Variants in MYO9B observed in about 807,000 individuals in gnomAD.
MYO9B encodes the protein myosin IXB.
Under a neutral mutation model 229.5 loss-of-function variants are expected in MYO9B, and 71 were observed. The ratio of observed to expected loss-of-function variants is 0.31; its 90% CI spans 0.26 to 0.38. The LOEUF (loss-of-function observed/expected upper bound fraction) is 0.38, where lower values mean the gene tolerates loss of function less well. MYO9B is among the 10% of genes least tolerant of loss of function. The probability of loss-of-function intolerance (pLI) is 1.00; values close to 1 mark genes in which losing one functional copy is unlikely to be tolerated. For missense variants in MYO9B, 2,255 were observed against 2,920.5 expected, an observed-to-expected ratio of 0.77 and a Z score of 5.25; for synonymous variants, 1,185 against 1,235.8, an observed-to-expected ratio of 0.96 and a Z score of 0.86.
chr19:17,117,482 C>T (rs1228541543), intron 2 of MYO9B, among the ~76,000 whole-genome samples: 3 of 152,202 alleles, frequency 2.0e-5, no homozygotes, highest in African/African-American at 4.8e-5. Context: ...GACCCCGACA[C>T]GTGGTTCCTC....
chr19:17,081,050 C>T (rs1460924364), intron 1 of MYO9B, among the ~76,000 whole-genome samples: 2 of 152,052 alleles, frequency 1.3e-5, no homozygotes, highest in East Asian at 3.9e-4. Context: ...GGGGCGGGGG[C>T]AGAGTCTCAC....
Position 17,195,391 on chromosome 19 carries a change from G to T in MYO9B, c.3964G>T (p.Ala1322Ser). The T allele has an allele frequency of 6.2e-7, 1 of 1,609,462 alleles. No homozygotes were observed. Among genetic ancestry groups the T allele is most frequent in the South Asian group, 1.1e-5 (1 of 90,942 alleles). ...GCGGGGCAAGAAGCTGGTGGCCGCC[G>T]CCAGCCCTAGTGCCATGCTCAGCCA... ...LWRGKKLVAA[A>S]SPSAMLSQSL... Residue 1322 changes from alanine (A) to serine (S), a missense_variant, in exon 22 of 40, where the codon GCC (alanine) becomes TCC (serine). Around this residue, in one of 7 missense-constraint regions of MYO9B, gnomAD observed 679 missense variants for 770.2 expected, o/e 0.88. Coordinates refer to ENST00000682292, the MANE Select transcript of MYO9B (RefSeq NM_004145.4). This position sits in a 1 kb window ranked among gnomAD's most constrained non-coding sequence, Gnocchi z 4.5.
At chr19:17,122,395 T>C (rs1213866349) in intron 2 of MYO9B, among the ~76,000 whole-genome samples, 1 of 151,958 alleles carries the variant, frequency 6.6e-6, no homozygotes, top group Admixed American at 6.6e-5. Flanking sequence ...AAAAATTAGC[T>C]GGGTGTGGTG....
chr19:17,094,493 C>A (rs927784168), intron 1 of MYO9B, among the ~76,000 whole-genome samples: 1 of 152,200 alleles, frequency 6.6e-6, no homozygotes, highest in African/African-American at 2.4e-5. Context: ...GGCATCCCTC[C>A]CCACTCCACA....
intron 2 of MYO9B, among the ~76,000 whole-genome samples, chr19:17,124,426 T>C (rs2057994861): frequency 6.6e-6 from 1 of 152,178 alleles, no homozygotes; most frequent in Non-Finnish European, 1.5e-5. Context: ...CAATAAAACT[T>C]CGTGGAACTT....
chr19:17,202,753 C>A, intron 28 of MYO9B, 89 bp from the exon 29 acceptor site: 1 of 1,340,296 alleles, frequency 7.5e-7, no homozygotes. Context: ...GTTCAGGGTA[C>A]CCACACGCCT....
rs548084847 is a variant in MYO9B at position 17,212,589 on chromosome 19, CGTTTAACT to C, written c.*284_*291del. 6.3e-5 allele frequency: 27 copies of C among 426,192 alleles called. No homozygotes were observed. In the South Asian group the frequency reaches 1.7e-3, roughly 27 times the overall value. 26.4% of individuals were successfully genotyped at this position (426,192 alleles called of 1,614,324 possible). A position where few individuals can be genotyped will look rare whatever the true frequency, so the allele number is the denominator to read the frequency against. On this transcript the variant is annotated 3_prime_UTR_variant, in exon 40 of 40. Transcript: ENST00000682292. This position sits in a 1 kb window ranked among gnomAD's most constrained non-coding sequence, Gnocchi z 5.4. The stretch of plus-strand genomic sequence containing the variant: ...ACATCTCCCCACTCCCCTTTTTGTA[CGTTTAACT>C]GTTTCTTTGTACGTGGTTTACGTAA...
At chr19:17,211,586 C>G in intron 38 of MYO9B, 61 bp from the exon 39 acceptor site, 1 of 1,478,594 alleles carries the variant, frequency 6.8e-7, no homozygotes, top group South Asian at 1.3e-5. Context: ...CTGCTCTGTT[C>G]CACACTGGCC....
chr19:17,082,376 T>G (rs2057541322), intron 1 of MYO9B, among the ~76,000 whole-genome samples: 1 of 152,110 alleles, frequency 6.6e-6, no homozygotes, highest in African/African-American at 2.4e-5. Flanking sequence ...GTCTTCTGCC[T>G]GCGAGGTGGG....
At position 17,154,320 on chromosome 19, in the gene MYO9B, C is replaced by T. The variant is rs1231239414; in HGVS notation, c.1104C>T (p.Asn368=). ...PEDYFYLNQH[N]LKIEDGEDLK... ...CCCATGCCTTTGTTTTCCAGCATAACTTGAAGATTGAAGATGGGGAGGACC... is the reference window on the plus strand; with the variant it reads ...CCCATGCCTTTGTTTTCCAGCATAATTTGAAGATTGAAGATGGGGAGGACC... Residue 368 remains asparagine (N), a synonymous_variant, in exon 6 of 40, where the codon AAC becomes AAT. Transcript: ENST00000682292. The T allele has an allele frequency of 1.2e-6, 2 of 1,611,716 alleles. No individual in the cohort carries two copies. The highest frequency in any genetic ancestry group is 2.2e-5 in the East Asian group (1 of 44,804).
intron 2 of MYO9B, among the ~76,000 whole-genome samples, chr19:17,121,036 G>A (rs997951379): frequency 2.6e-5 from 4 of 152,108 alleles, no homozygotes; most frequent in Admixed American, 6.5e-5. Context: ...TCCACCTCCC[G>A]GACTCAAGCG....
At position 17,101,467 on chromosome 19, in the gene MYO9B, G is replaced by C. The variant is rs925981521; in HGVS notation, c.-58-193G>C. Among the ~76,000 whole-genome samples the C allele has an allele frequency of 2.0e-5, 3 of 152,182 alleles. No homozygotes were observed. Among genetic ancestry groups the C allele is most frequent in the African/African-American group, 7.2e-5 (3 of 41,460 alleles). ...TAAGCATGAGCCACTGCAGGAGCCT[G>C]AGGTCACATTGAAGGACAGACAGAC... On this transcript the variant is annotated intron_variant, in intron 1 of 39. Transcript: ENST00000682292. This position sits in a 1 kb window ranked among gnomAD's most constrained non-coding sequence, Gnocchi z 4.7.
chr19:17,101,577 A>T lies in MYO9B; in HGVS notation c.-58-83A>T, dbSNP rs892156260. 1.2e-5 allele frequency: 16 copies of T among 1,327,564 alleles called. No homozygotes were observed. Among genetic ancestry groups the T allele is most frequent in the Non-Finnish European group, 1.6e-5 (16 of 1,002,962 alleles). The allele number at this position is 1,327,564 out of a possible 1,614,324, so 82.2% of individuals were successfully genotyped here. The stretch of plus-strand genomic sequence containing the variant: ...GAACTCCAGCATCGGGTCAGGTGCT[A>T]TCTGCCCAGGAGTGGGACTCCACAT... On this transcript the variant is annotated intron_variant, in intron 1 of 39. Coordinates refer to ENST00000682292, the MANE Select transcript of MYO9B (RefSeq NM_004145.4). This position sits in a 1 kb window ranked among gnomAD's most constrained non-coding sequence, Gnocchi z 4.7.
rs773968871 is a variant in MYO9B at position 17,202,832 on chromosome 19, T to C, written c.4837-10T>C. On this transcript the variant is annotated splice_polypyrimidine_tract_variant and intron_variant, in intron 28 of 39. Coordinates refer to ENST00000682292, the MANE Select transcript of MYO9B (RefSeq NM_004145.4). ...GGCCCCCGCCAACCTCCTCCTTGTGTTCCTCACAGCAGAGCAAAGCTCAGA... is the reference window on the plus strand; with the variant it reads ...GGCCCCCGCCAACCTCCTCCTTGTGCTCCTCACAGCAGAGCAAAGCTCAGA... 10 of 1,588,832 alleles carry C rather than the reference T, an allele frequency of 6.3e-6. No individual in the cohort carries two copies. Among genetic ancestry groups the C allele is most frequent in the Non-Finnish European group, 8.6e-6 (10 of 1,167,956 alleles).
At chr19:17,114,833 G>A (rs1014302662) in intron 2 of MYO9B, among the ~76,000 whole-genome samples, 3 of 151,704 alleles carry the variant, frequency 2.0e-5, no homozygotes, top group East Asian at 1.9e-4. Context: ...AACCACTGCC[G>A]GGAAACAGGA....
chr19:17,175,886 G>A, intron 14 of MYO9B, 145 bp downstream of exon 14: 1 of 625,822 alleles, frequency 1.6e-6, no homozygotes, highest in Non-Finnish European at 2.6e-6. Flanking sequence ...AGGCTGGAGT[G>A]CAATGGCGCA....
intron 2 of MYO9B, among the ~76,000 whole-genome samples, chr19:17,119,392 C>G (rs1247587499): frequency 6.6e-6 from 1 of 152,214 alleles, no homozygotes; most frequent in Non-Finnish European, 1.5e-5. Flanking sequence ...TTACAGCCGG[C>G]TTCTGGTGTT....
At chr19:17,168,213 G>A in intron 11 of MYO9B, 149 bp downstream of exon 11, 1 of 1,151,122 alleles carries the variant, frequency 8.7e-7, no homozygotes, top group African/African-American at 1.6e-5. Context: ...CACCCAGGCT[G>A]GAGTGTAGTG....
chr19:17,126,328 G>A (rs1000987121), intron 2 of MYO9B, among the ~76,000 whole-genome samples: 4 of 152,090 alleles, frequency 2.6e-5, no homozygotes, highest in African/African-American at 9.7e-5. Context: ...CCATGGCCTC[G>A]GGAGACCAGT....
Sources: allele counts gnomAD v4.1 joint callset (sites outside exome capture counted in the v4.1 genomes callset), GRCh38; gene constraint gnomAD v4.1.1; regional missense constraint gnomAD v4.1.1; non-coding constraint Gnocchi (gnomAD v3.1); transcripts MANE v1.5; gene names NCBI Gene and HGNC (gene_info 2026-07-23, HGNC 2026-07-21).